Variants in IPO9 observed in about 807,000 individuals in gnomAD.
IPO9 encodes importin-9.
Under a neutral mutation model 128.6 loss-of-function variants are expected in IPO9, and 28 were observed. The ratio of observed to expected loss-of-function variants is 0.22; its 90% CI spans 0.16 to 0.30. The LOEUF (loss-of-function observed/expected upper bound fraction) is 0.30, where lower values mean the gene tolerates loss of function less well. IPO9 is among the 10% of genes least tolerant of loss of function. The pLI is 1.00. For missense variants in IPO9, 935 were observed against 1,293.9 expected, an observed-to-expected ratio of 0.72 and a Z score of 4.26; for synonymous variants, 455 against 475.8, an observed-to-expected ratio of 0.96 and a Z score of 0.57.
rs995432820 is a variant in IPO9 at position 201,879,854 on chromosome 1, TGTG to T, written c.*3804_*3806del. On this transcript the variant is annotated 3_prime_UTR_variant, in exon 24 of 24. Transcript: ENST00000361565. ...AGGAGTTCGAGACCAGCCTGGCCAA[TGTG>T]GTGAAACCCCGCCTCTACTAAAAAT... 1.7e-4 allele frequency: 26 copies of T among 151,872 alleles called. 1 individual carries two copies. Among genetic ancestry groups the T allele is most frequent in the African/African-American group, 6.1e-4 (25 of 41,320 alleles). 9.4% of individuals were successfully genotyped at this position (151,872 alleles called of 1,614,324 possible).
chr1:201,843,526 A>G (rs1374001933), intron 1 of IPO9, among the ~76,000 whole-genome samples: 1 of 152,218 alleles, frequency 6.6e-6, no homozygotes, highest in Non-Finnish European at 1.5e-5. Flanking sequence ...AAAGCCAAAT[A>G]CTTTTTAAGA....
Position 201,877,975 on chromosome 1 carries a change from A to G in IPO9, c.*1921A>G, listed in dbSNP as rs1487099565. On this transcript the variant is annotated 3_prime_UTR_variant, in exon 24 of 24. Transcript: ENST00000361565. ...ATAAAGTGAATCTGAATCTCCACTC[A>G]AGGGGATGGCCCCAAGGATATTGTA... 6.6e-6 allele frequency: 1 copy of G among 152,200 alleles called. No individual in the cohort carries two copies. The highest frequency in any genetic ancestry group is 1.5e-5 in the Non-Finnish European group (1 of 68,062). 9.4% of individuals were successfully genotyped at this position (152,200 alleles called of 1,614,324 possible). A position where few individuals can be genotyped will look rare whatever the true frequency, so the allele number is the denominator to read the frequency against.
chr1:201,883,573 T>G lies in IPO9; in HGVS notation c.*7519T>G, dbSNP rs1005865830. ...GCACACAGACCAACACTTCTGAATTTGCAAGCTTAAGAGCATGTATGAGCA... is the reference window on the plus strand; with the variant it reads ...GCACACAGACCAACACTTCTGAATTGGCAAGCTTAAGAGCATGTATGAGCA... On this transcript the variant is annotated 3_prime_UTR_variant, in exon 24 of 24. Coordinates refer to ENST00000361565, the MANE Select transcript of IPO9 (RefSeq NM_018085.5). 1 of 152,132 alleles carries G rather than the reference T, an allele frequency of 6.6e-6. No individual in the cohort carries two copies. Among genetic ancestry groups the G allele is most frequent in the Non-Finnish European group, 1.5e-5 (1 of 68,040 alleles). 9.4% of individuals were successfully genotyped at this position (152,132 alleles called of 1,614,324 possible).
intron 1 of IPO9, among the ~76,000 whole-genome samples, chr1:201,845,026 G>GTT (rs1257809456): frequency 3.4e-5 from 3 of 87,556 alleles, no homozygotes; most frequent in Non-Finnish European, 9.6e-5. Context: ...TTTTTTGGGA[G>GTT]GGGGGGGCGT....
chr1:201,847,708 A>G (rs1680146609), intron 3 of IPO9, 70 bp downstream of exon 3: 3 of 1,065,914 alleles, frequency 2.8e-6, no homozygotes, highest in African/African-American at 1.6e-5. Context: ...AGACTATAAC[A>G]TTCTTTGACA....
At chr1:201,841,583 T>C (rs1680036899) in intron 1 of IPO9, among the ~76,000 whole-genome samples, 1 of 152,218 alleles carries the variant, frequency 6.6e-6, no homozygotes, top group African/African-American at 2.4e-5. Context: ...TGCTCACATC[T>C]TGGTTTCTAA....
chr1:201,852,218 T>C (rs369083435), intron 5 of IPO9, 26 bp downstream of exon 5: 20 of 1,473,846 alleles, frequency 1.4e-5, no homozygotes, highest in Middle Eastern at 1.7e-4. Context: ...TCCAAGATTA[T>C]AGTGAGTTCA....
intron 16 of IPO9, among the ~76,000 whole-genome samples, 185 bp downstream of exon 16, chr1:201,868,981 G>A (rs554801683): frequency 2.0e-5 from 3 of 152,298 alleles, no homozygotes; most frequent in South Asian, 4.1e-4. Flanking sequence ...GGCTTGGCGC[G>A]GTGGCTCATG....
intron 1 of IPO9, among the ~76,000 whole-genome samples, chr1:201,831,245 C>G (rs114607187): frequency 6.6e-6 from 1 of 152,090 alleles, no homozygotes; most frequent in Non-Finnish European, 1.5e-5. Flanking sequence ...AGAAATAGAT[C>G]GACTGCCCCC....
At chr1:201,836,119 CAAAAA>C (rs34447985) in intron 1 of IPO9, among the ~76,000 whole-genome samples, 14 of 55,364 alleles carry the variant, frequency 2.5e-4, no homozygotes, top group South Asian at 1.1e-3. Flanking sequence ...GACTCCATCT[CAAAAA>C]AAAAAAAAAA....
At chr1:201,860,611 G>T (rs534267101) in intron 13 of IPO9, among the ~76,000 whole-genome samples, 14 of 152,100 alleles carry the variant, frequency 9.2e-5, no homozygotes, top group Non-Finnish European at 1.6e-4. Context: ...CTGGAAAAAG[G>T]CTCAATATAT....
intron 1 of IPO9, among the ~76,000 whole-genome samples, chr1:201,836,667 G>A (rs2102868472): frequency 6.6e-6 from 1 of 152,318 alleles, no homozygotes; most frequent in South Asian, 2.1e-4. Flanking sequence ...CTCTTAAATG[G>A]TGAGTGATAT....
rs758931436 is a variant in IPO9, at chr1:201,875,173, A to G, written c.2960A>G (p.Asp987Gly). The G allele has an allele frequency of 6.2e-6, 10 of 1,614,074 alleles. No individual in the cohort carries two copies. Among genetic ancestry groups the G allele is most frequent in the Non-Finnish European group, 8.5e-6 (10 of 1,180,006 alleles). Residue 987 changes from aspartate to glycine, a missense_variant, in exon 23 of 24, where the codon GAT (aspartate) becomes GGT (glycine). By Grantham distance (94) the Asp-to-Gly change is moderately conservative (BLOSUM62 -1). Coordinates refer to ENST00000361565, the MANE Select transcript of IPO9 (RefSeq NM_018085.5). ...ACAGAGGAGGATTACTACGAGGATG[A>G]TGAGGAAGATGACCCTGATGCCCTG... ...SKYEEDYYED[D>G]EEDDPDALKD...
chr1:201,862,348 C>T (rs1433966259), intron 13 of IPO9, among the ~76,000 whole-genome samples: 3 of 151,854 alleles, frequency 2.0e-5, no homozygotes, highest in African/African-American at 2.4e-5. Flanking sequence ...ATCCCAGCTG[C>T]TCGGGAGGCT....
chr1:201,852,204 C>G lies in IPO9; in HGVS notation c.603+12C>G. On this transcript the variant is annotated intron_variant, in intron 5 of 23. Coordinates refer to ENST00000361565, the MANE Select transcript of IPO9 (RefSeq NM_018085.5). ...TCACCATGGCTGAGGTATGAAATCTCAGCTCCAAGATTATAGTGAGTTCAG... is the reference window on the plus strand; with the variant it reads ...TCACCATGGCTGAGGTATGAAATCTGAGCTCCAAGATTATAGTGAGTTCAG... 2 of 1,564,154 alleles carry G rather than the reference C, an allele frequency of 1.3e-6. No individual in the cohort carries two copies. The highest frequency in any genetic ancestry group is 1.8e-6 in the Non-Finnish European group (2 of 1,135,176).
At chr1:201,857,317 TG>T in intron 11 of IPO9, 123 bp downstream of exon 11, 1 of 659,848 alleles carries the variant, frequency 1.5e-6, no homozygotes, top group African/African-American at 1.8e-5. Flanking sequence ...CAGACTTTAT[TG>T]GGGATGCAAG....
At position 201,880,482 on chromosome 1, in the gene IPO9, A is replaced by G. The variant is rs1211578781; in HGVS notation, c.*4428A>G. 1 of 152,250 alleles carries G rather than the reference A, an allele frequency of 6.6e-6. No individual in the cohort carries two copies. The highest frequency in any genetic ancestry group is 1.5e-5 in the Non-Finnish European group (1 of 68,042). 9.4% of individuals were successfully genotyped at this position (152,250 alleles called of 1,614,324 possible). ...GAATGCTTAGCTTAGAGAAGACAAG[A>G]GGAAACAGGACATGGCTTTGGGAAG... On this transcript the variant is annotated 3_prime_UTR_variant, in exon 24 of 24. Coordinates refer to ENST00000361565, the MANE Select transcript of IPO9 (RefSeq NM_018085.5).
chr1:201,876,397 C>T lies in IPO9; in HGVS notation c.*343C>T, dbSNP rs1021598178. The T allele has an allele frequency of 3.0e-5, 12 of 403,490 alleles. No individual in the cohort carries two copies. The East Asian group carries it at 5.8e-4, about 19-fold the overall frequency. The allele number at this position is 403,490 out of a possible 1,614,324, so 25.0% of individuals were successfully genotyped here. On this transcript the variant is annotated 3_prime_UTR_variant, in exon 24 of 24. Transcript: ENST00000361565. ...GATTATGTGTTTATGGATTATTTTG[C>T]CCCGCCTCAGGAGCGCAGGAAGTCA...
rs565300361 is a variant in IPO9, at chr1:201,875,339, C to T, written c.3015+111C>T. 2.9e-4 allele frequency: 286 copies of T among 988,072 alleles called. 2 individuals are homozygous for T. The highest frequency in any genetic ancestry group is 1.8e-3 in the South Asian group (136 of 76,978). The allele number at this position is 988,072 out of a possible 1,614,324, so 61.2% of individuals were successfully genotyped here. A position where few individuals can be genotyped will look rare whatever the true frequency, so the allele number is the denominator to read the frequency against. On this transcript the variant is annotated intron_variant, in intron 23 of 23. Transcript: ENST00000361565. ...GCATGGTGGCTCATGCCTGTAATCC[C>T]AACACTTTGGGAGGTCAAGGCGGGA...
Sources: allele counts gnomAD v4.1 joint callset (sites outside exome capture counted in the v4.1 genomes callset), GRCh38; gene constraint gnomAD v4.1.1; transcripts MANE v1.5; gene names NCBI Gene and HGNC (gene_info 2026-07-23, HGNC 2026-07-21).